Variants in RASEF observed in about 807,000 individuals in gnomAD.
RASEF encodes ras and EF-hand domain-containing protein.
Under a neutral mutation model 90.1 loss-of-function variants are expected in RASEF, and 68 were observed. That is an observed-to-expected ratio of 0.75 (90% CI 0.62 to 0.92). RASEF has a LOEUF of 0.92. Among genes scored for constraint, RASEF ranks in the 40% least tolerant of loss-of-function variants. RASEF has a pLI of 0.00. For missense variants in RASEF, 949 were observed against 937.2 expected, an observed-to-expected ratio of 1.01 and a Z score of -0.16; for synonymous variants, 331 against 345.2, an observed-to-expected ratio of 0.96 and a Z score of 0.46.
intron 13 of RASEF, among the ~76,000 whole-genome samples, chr9:82,997,736 T>C (rs1364479391): frequency 6.6e-6 from 1 of 152,158 alleles, no homozygotes; most frequent in South Asian, 2.1e-4. Flanking sequence ...AAATTCCCAA[T>C]CTGCTAGAGA....
In RASEF at chr9:82,987,964, C is replaced by T. The variant is rs140431008; in HGVS notation, c.2117+2427G>A. Among the ~76,000 whole-genome samples, 617 of 152,290 alleles carry T rather than the reference C, an allele frequency of 4.1e-3. 3 individuals are homozygous for T. Among genetic ancestry groups the T allele is most frequent in the African/African-American group, 0.014 (569 of 41,544 alleles). On this transcript the variant is annotated intron_variant, in intron 16 of 16. Transcript: ENST00000376447. ...ACATGCAAGGCTTGATCTGCTGCAT[C>T]TGTTACTGCTGCATGGGAGCAGCAA...
At chr9:83,065,258 C>A (rs143015540), upstream of RASEF, among the ~76,000 whole-genome samples, 116 of 152,224 alleles carry the variant, frequency 7.6e-4, no homozygotes, top group Non-Finnish European at 1.4e-3. Context: ...ATTCCATTAT[C>A]ATCAATTTGG....
intron 4 of RASEF, among the ~76,000 whole-genome samples, chr9:83,015,176 G>A (rs1316865938): frequency 6.6e-6 from 1 of 152,158 alleles, no homozygotes. Context: ...TAGGGGTAGG[G>A]ACACGGGGAT....
intron 1 of RASEF, among the ~76,000 whole-genome samples, chr9:83,044,523 T>C (rs61466243): frequency 0.044 from 6,736 of 152,152 alleles, 451 homozygotes; most frequent in African/African-American, 0.15. Flanking sequence ...AAAAAATTAA[T>C]AACTTTAAAG....
At chr9:83,130,403 C>T in the RASEF span, among the ~76,000 whole-genome samples, 3 of 152,084 alleles carry the variant, frequency 2.0e-5, no homozygotes, top group Non-Finnish European at 4.4e-5. Context: ...AAGCAATGAA[C>T]CTACATGGAC....
At chr9:83,086,178 T>A in the RASEF span, among the ~76,000 whole-genome samples, 16 of 152,194 alleles carry the variant, frequency 1.1e-4, no homozygotes, top group Admixed American at 1.0e-3. Context: ...GAGGTAGAAT[T>A]AATATCTTAA....
the RASEF span, among the ~76,000 whole-genome samples, chr9:83,185,523 C>A: frequency 1.5e-4 from 23 of 152,112 alleles, no homozygotes; most frequent in African/African-American, 5.5e-4. Context: ...GAAGAAAAGT[C>A]ACTTTGAAGC....
At chr9:83,058,094 C>T (rs544576321) in intron 1 of RASEF, among the ~76,000 whole-genome samples, 1 of 150,438 alleles carries the variant, frequency 6.6e-6, no homozygotes, top group East Asian at 2.0e-4. Context: ...GTTTCACTCC[C>T]TCTCAACATG....
the RASEF span, among the ~76,000 whole-genome samples, chr9:83,097,006 C>T: frequency 1.3e-5 from 2 of 152,008 alleles, no homozygotes; most frequent in South Asian, 4.2e-4. Flanking sequence ...TGTATATGTG[C>T]CACATTTTCT....
chr9:83,117,836 T>C, the RASEF span, among the ~76,000 whole-genome samples: 1 of 152,336 alleles, frequency 6.6e-6, no homozygotes, highest in South Asian at 2.1e-4. Context: ...AATCAAATCA[T>C]GTTGGGGAAA....
intron 2 of RASEF, among the ~76,000 whole-genome samples, chr9:83,024,957 G>A (rs1344514333): frequency 2.6e-5 from 4 of 152,154 alleles, no homozygotes; most frequent in African/African-American, 4.8e-5. Context: ...TGGAGCACAC[G>A]ACAGCAAGGA....
At chr9:83,066,590 G>A (rs1830283792), upstream of RASEF, among the ~76,000 whole-genome samples, 2 of 152,216 alleles carry the variant, frequency 1.3e-5, no homozygotes, top group African/African-American at 4.8e-5. Flanking sequence ...GAATTAGTAG[G>A]TAAGGAGAGC....
the RASEF span, among the ~76,000 whole-genome samples, chr9:83,162,465 C>G: frequency 6.6e-6 from 1 of 151,810 alleles, no homozygotes; most frequent in East Asian, 1.9e-4. Context: ...TAGTATTTAC[C>G]AAAAATCTTG....
intron 4 of RASEF, among the ~76,000 whole-genome samples, chr9:83,014,114 G>A (rs1430545091): frequency 6.6e-6 from 1 of 152,142 alleles, no homozygotes; most frequent in Non-Finnish European, 1.5e-5. Flanking sequence ...TGTGGCTCTA[G>A]CATAAACAGA....
rs539421406 is a variant in RASEF at position 83,060,250 on chromosome 9, T to C, written c.431+2187A>G. 5.3e-5 allele frequency among the ~76,000 whole-genome samples: 8 copies of C among 152,288 alleles called. No individual in the cohort carries two copies. The South Asian group carries it at 1.5e-3, about 28-fold the overall frequency. On this transcript the variant is annotated intron_variant, in intron 1 of 16. Coordinates refer to ENST00000376447, the MANE Select transcript of RASEF (RefSeq NM_152573.4). Reference sequence around the variant, plus strand: ...CCTTCAGAAGAAACTCTATTTTATATGAAAACAAGTCCCAAAATATTGTGT... The same window carrying C: ...CCTTCAGAAGAAACTCTATTTTATACGAAAACAAGTCCCAAAATATTGTGT...
the RASEF span, among the ~76,000 whole-genome samples, chr9:83,089,794 C>T: frequency 6.6e-6 from 1 of 152,004 alleles, no homozygotes; most frequent in African/African-American, 2.4e-5. Context: ...CTTGTATGTG[C>T]AGATTAGTTT....
chr9:83,140,880 T>C, the RASEF span, among the ~76,000 whole-genome samples: 2 of 152,110 alleles, frequency 1.3e-5, no homozygotes, highest in African/African-American at 4.8e-5. Context: ...TAGGGGCTCA[T>C]GGCTGTAGTC....
At chr9:83,124,975 A>G in the RASEF span, among the ~76,000 whole-genome samples, 75,978 of 151,636 alleles carry the variant, frequency 0.5, 19,199 homozygotes, top group East Asian at 0.78. Context: ...GTGTGATAGC[A>G]TCGCCAATTG....
At chr9:83,092,003 C>CTTTTTTTTTTTTTTTTTTTTTTTT in the RASEF span, among the ~76,000 whole-genome samples, 45 of 35,928 alleles carry the variant, frequency 1.3e-3, 6 homozygotes, top group East Asian at 5.1e-3. Context: ...TCTTTTATTT[C>CTTTTTTTTTTTTTTTTTTTTTTTT]TTTTTTTTTT....
Sources: allele counts gnomAD v4.1 joint callset (sites outside exome capture counted in the v4.1 genomes callset), GRCh38; gene constraint gnomAD v4.1.1; transcripts MANE v1.5; gene names NCBI Gene and HGNC (gene_info 2026-07-23, HGNC 2026-07-21).